The following EFCAB7 variants were observed in gnomAD, a reference collection of about 807,000 sequenced individuals.
EFCAB7 encodes the protein EF-hand calcium-binding domain-containing protein 7.
EFCAB7 carries 66 observed loss-of-function variants against 77.1 expected under a neutral mutation model. That is an observed-to-expected ratio of 0.86 (90% CI 0.70 to 1.05). The LOEUF is 1.05. Among genes scored for constraint, EFCAB7 ranks in the 50% least tolerant of loss-of-function variants. The pLI, the probability that EFCAB7 is intolerant of heterozygous loss-of-function variation, is 0.00. For synonymous variants in EFCAB7, 225 were observed against 243.3 expected, an observed-to-expected ratio of 0.92 and a Z score of 0.70; for missense variants, 638 against 730.5, an observed-to-expected ratio of 0.87 and a Z score of 1.46.
At chr1:63,524,012 G>T (rs1343049028) in intron 1 of EFCAB7, among the ~76,000 whole-genome samples, 2 of 152,076 alleles carry the variant, frequency 1.3e-5, no homozygotes, top group African/African-American at 4.8e-5. Context: ...GGAGTTTTAA[G>T]TAAGGGAGGT....
Position 63,545,904 on chromosome 1 carries a change from C to T in EFCAB7, c.805-12C>T, listed in dbSNP as rs1386247037. The T allele has an allele frequency of 1.2e-6, 2 of 1,608,162 alleles. No individual in the cohort carries two copies. The highest frequency in any genetic ancestry group is 1.7e-6 in the Non-Finnish European group (2 of 1,177,178). On this transcript the variant is annotated splice_polypyrimidine_tract_variant and intron_variant, in intron 6 of 13. Transcript: ENST00000371088. ...TAAATATTGTTTGAAATAATTTTTT[C>T]CTTCATTTCAGGACTGGCAACACAT...
Position 63,551,713 on chromosome 1 carries a change from T to G in EFCAB7, c.947-12T>G, listed in dbSNP as rs61366122. On this transcript the variant is annotated splice_polypyrimidine_tract_variant and intron_variant, in intron 7 of 13. Coordinates refer to ENST00000371088, the MANE Select transcript of EFCAB7 (RefSeq NM_032437.4). The stretch of plus-strand genomic sequence containing the variant: ...TATTTTAAGGTGTTTGGGCTTTTTT[T>G]TTTGTTTGTAGGAAAACCATCCCCT... 3,657 of 1,454,832 alleles carry G rather than the reference T, an allele frequency of 2.5e-3. 90 individuals carry two copies. In the African/African-American group the frequency reaches 0.047, roughly 19 times the overall value. 90.1% of individuals were successfully genotyped at this position (1,454,832 alleles called of 1,614,324 possible).
chr1:63,561,693 T>A lies in EFCAB7; in HGVS notation c.1349-16T>A, dbSNP rs750400137. The A allele has an allele frequency of 7.8e-6, 12 of 1,547,534 alleles. No homozygotes were observed. The South Asian group carries it at 8.8e-5, about 11-fold the overall frequency. ...TTTTAAATTATGTAAGAAAAAACTT[T>A]TGGTTGTTTAAACAGAGAATTTTGA... On this transcript the variant is annotated splice_polypyrimidine_tract_variant and intron_variant, in intron 10 of 13. Transcript: ENST00000371088.
At position 63,551,787 on chromosome 1, in the gene EFCAB7, C is replaced by T; in HGVS notation, c.1009C>T (p.Gln337Ter). ...GTATATTCTCAAGGAAAATGAGAGT[C>T]AAGCAAATCTACAGCTTGTGTGTTT... Reference protein sequence around the residue: ...ALYILKENESQANLQLVCFTE... With the variant: ...ALYILKENES Residue 337 changes from glutamine (Q) to a stop codon, truncating the protein, a stop_gained, in exon 8 of 14, where the codon CAA becomes TAA. Coordinates refer to ENST00000371088, the MANE Select transcript of EFCAB7 (RefSeq NM_032437.4). LOFTEE classifies it high-confidence loss of function. 6.3e-7 allele frequency: 1 copy of T among 1,595,008 alleles called. No individual in the cohort carries two copies. The highest frequency in any genetic ancestry group is 1.3e-5 in the African/African-American group (1 of 74,236).
intron 6 of EFCAB7, 136 bp from the exon 7 acceptor site, chr1:63,545,780 C>G: frequency 1.3e-6 from 1 of 752,206 alleles, no homozygotes; most frequent in Non-Finnish European, 2.2e-6. Flanking sequence ...TACCTCCTAA[C>G]TATGTTGCAC....
downstream of EFCAB7, among the ~76,000 whole-genome samples, chr1:63,574,080 C>T (rs1199290981): frequency 6.6e-6 from 1 of 152,110 alleles, no homozygotes; most frequent in African/African-American, 2.4e-5. Context: ...GTGTCTACCC[C>T]GACCAAGAGG....
At chr1:63,569,122 C>G (rs750878141) in intron 12 of EFCAB7, 1 of 152,052 alleles carries the variant, frequency 6.6e-6, no homozygotes, top group Non-Finnish European at 1.5e-5. Context: ...TTTCATAAAA[C>G]TTTATATAAG....
At chr1:63,534,037 A>C in intron 5 of EFCAB7, 58 bp from the exon 6 acceptor site, 5 of 1,600,502 alleles carry the variant, frequency 3.1e-6, no homozygotes, top group Non-Finnish European at 4.3e-6. Flanking sequence ...GTGTTTGGAA[A>C]AAACTCCTAT....
chr1:63,549,094 A>T (rs1646934652), intron 7 of EFCAB7: 1 of 255,500 alleles, frequency 3.9e-6, no homozygotes, highest in Non-Finnish European at 7.8e-6. Context: ...CTTGGAGCAA[A>T]GGGCAGTAGG....
intron 2 of EFCAB7, among the ~76,000 whole-genome samples, chr1:63,526,788 G>A (rs970623937): frequency 2.7e-5 from 4 of 150,460 alleles, no homozygotes; most frequent in Admixed American, 6.6e-5. Flanking sequence ...TTTTTGAGAC[G>A]GAGTCTTGCT....
chr1:63,562,631 C>A (rs1374645274), intron 11 of EFCAB7, among the ~76,000 whole-genome samples: 3 of 149,276 alleles, frequency 2.0e-5, no homozygotes, highest in African/African-American at 7.4e-5. Flanking sequence ...TCCTGAGTAG[C>A]TAGGACTACA....
chr1:63,561,903 AT>A, intron 11 of EFCAB7, 46 bp downstream of exon 11: 2 of 1,353,206 alleles, frequency 1.5e-6, no homozygotes, highest in South Asian at 2.0e-5. Flanking sequence ...TGTACATAAT[AT>A]TTTACTTTAT....
intron 7 of EFCAB7, chr1:63,547,958 G>A (rs1011391891): frequency 2.6e-5 from 4 of 152,250 alleles, no homozygotes; most frequent in African/African-American, 9.6e-5. Flanking sequence ...CAGATTCATA[G>A]GCTGGGGAAA....
chr1:63,540,459 C>A (rs1255758546), intron 6 of EFCAB7, among the ~76,000 whole-genome samples: 1 of 151,052 alleles, frequency 6.6e-6, no homozygotes, highest in Admixed American at 6.6e-5. Context: ...AATTTGAATT[C>A]GTACCCTGAG....
chr1:63,536,995 G>A (rs1557673904), intron 6 of EFCAB7, among the ~76,000 whole-genome samples: 1 of 152,094 alleles, frequency 6.6e-6, no homozygotes, highest in Admixed American at 6.6e-5. Context: ...TCAGAAATTA[G>A]AAAATTGTTG....
intron 11 of EFCAB7, among the ~76,000 whole-genome samples, chr1:63,567,068 G>A (rs913699906): frequency 7.9e-5 from 12 of 152,100 alleles, no homozygotes; most frequent in African/African-American, 2.9e-4. Flanking sequence ...CAGGAAAGAG[G>A]CACTGAGGAT....
chr1:63,535,495 G>T (rs1313213258), intron 6 of EFCAB7, among the ~76,000 whole-genome samples: 1 of 152,016 alleles, frequency 6.6e-6, no homozygotes, highest in Non-Finnish European at 1.5e-5. Context: ...TCTAGATGTT[G>T]ATTAGATTAG....
Position 63,561,775 on chromosome 1 carries a change from C to A in EFCAB7, c.1415C>A (p.Ala472Asp). The A allele has an allele frequency of 6.2e-7, 1 of 1,609,894 alleles. No individual in the cohort carries two copies. The highest frequency in any genetic ancestry group is 1.3e-5 in the African/African-American group (1 of 74,932). Residue 472 changes from alanine to aspartate, a missense_variant, in exon 11 of 14, where the codon GCT becomes GAT. Coordinates refer to ENST00000371088, the MANE Select transcript of EFCAB7 (RefSeq NM_032437.4). The stretch of plus-strand genomic sequence containing the variant: ...TTTATGGATTTGAATCTAATGGAAG[C>A]TAATGATCGAGAAGGAGATCCTTGT... The part of the protein sequence containing the change: ...QGFMDLNLME[A>D]NDREGDPCDL...
chr1:63,564,515 A>G (rs965309855), intron 11 of EFCAB7, among the ~76,000 whole-genome samples: 5 of 152,188 alleles, frequency 3.3e-5, no homozygotes, highest in African/African-American at 7.2e-5. Flanking sequence ...GAGGCCAGCA[A>G]TCTCTACAAG....
Sources: gnomAD v4.1 joint callset for allele counts (sites outside exome capture counted in the v4.1 genomes callset) on GRCh38, gnomAD v4.1.1 for gene constraint, MANE v1.5 for transcripts, NCBI Gene and HGNC (gene_info 2026-07-23, HGNC 2026-07-21) for gene names.